Variants in PTPRM observed in about 807,000 individuals in gnomAD.
PTPRM encodes protein tyrosine phosphatase receptor type M, also known as receptor-type tyrosine-protein phosphatase mu.
PTPRM carries 47 observed loss-of-function variants against 186.7 expected under a neutral mutation model. The ratio of observed to expected loss-of-function variants is 0.25; its 90% CI spans 0.20 to 0.32. The LOEUF (loss-of-function observed/expected upper bound fraction) is 0.32, where lower values mean the gene tolerates loss of function less well. Among genes scored for constraint, PTPRM ranks in the 10% least tolerant of loss-of-function variants. The pLI, the probability that PTPRM is intolerant of heterozygous loss-of-function variation, is 1.00. For missense variants in PTPRM, 1,494 were observed against 1,865.0 expected (o/e 0.80, Z 3.66); for synonymous variants, 668 against 674.9 (o/e 0.99, Z 0.16).
chr18:8,362,762 A>T (rs1345530262), intron 23 of PTPRM, among the ~76,000 whole-genome samples: 2 of 152,204 alleles, frequency 1.3e-5, no homozygotes, highest in Non-Finnish European at 2.9e-5. Flanking sequence ...TTTAATGAAC[A>T]TTTACTTGTG....
intron 7 of PTPRM, among the ~76,000 whole-genome samples, chr18:8,038,134 G>A (rs2086454119): frequency 6.6e-6 from 1 of 152,048 alleles, no homozygotes; most frequent in Non-Finnish European, 1.5e-5. Flanking sequence ...GAATCTTTTA[G>A]AATAGAGACA....
At chr18:7,592,849 C>T (rs149227915) in intron 1 of PTPRM, among the ~76,000 whole-genome samples, 4 of 152,234 alleles carry the variant, frequency 2.6e-5, no homozygotes, top group Non-Finnish European at 2.9e-5. Context: ...GTTGCTGAAC[C>T]GAGACAGAAC....
chr18:7,659,729 T>A (rs766749903), intron 1 of PTPRM, among the ~76,000 whole-genome samples: 2 of 152,226 alleles, frequency 1.3e-5, no homozygotes, highest in East Asian at 3.9e-4. Flanking sequence ...TCGTGACACA[T>A]GTTTTCTTTG....
Position 7,668,417 on chromosome 18 carries a change from A to G in PTPRM, c.73+100526A>G, listed in dbSNP as rs1427905450. ...GTAGCTCTCAGCTGCAACGGTATTT[A>G]ACACGTTTTACACATTTTTGTTGGA... On this transcript the variant is annotated intron_variant, in intron 1 of 32. Coordinates refer to ENST00000580170, the MANE Select transcript of PTPRM (RefSeq NM_001105244.2). The surrounding 1 kb of genome is among the most constrained non-coding windows in gnomAD (Gnocchi z 4.7). Among the ~76,000 whole-genome samples, 1 of 152,224 alleles carries G rather than the reference A, an allele frequency of 6.6e-6. No individual in the cohort carries two copies. Among genetic ancestry groups the G allele is most frequent in the Non-Finnish European group, 1.5e-5 (1 of 68,046 alleles).
chr18:7,865,182 C>G (rs1018941817), intron 2 of PTPRM, among the ~76,000 whole-genome samples: 9 of 152,028 alleles, frequency 5.9e-5, no homozygotes, highest in African/African-American at 2.2e-4. Context: ...AGTTGAATAC[C>G]CTTTATTTCT....
rs1221338502 is a variant in PTPRM, at chr18:8,343,408, T to C, written c.2957-15T>C. ...TACAACAAAAACAAAAAGTTTCTGT[T>C]GTGTTTTGCTGCAGGGCCAATGCAG... On this transcript the variant is annotated splice_polypyrimidine_tract_variant and intron_variant, in intron 22 of 32. Coordinates refer to ENST00000580170, the MANE Select transcript of PTPRM (RefSeq NM_001105244.2). 1.0e-5 allele frequency: 16 copies of C among 1,605,558 alleles called. No homozygotes were observed. The highest frequency in any genetic ancestry group is 1.3e-5 in the Non-Finnish European group (15 of 1,177,538).
At chr18:7,776,880 A>G (rs910099250) in intron 2 of PTPRM, among the ~76,000 whole-genome samples, 2 of 152,232 alleles carry the variant, frequency 1.3e-5, no homozygotes, top group African/African-American at 4.8e-5. Flanking sequence ...ATAAACATGC[A>G]TGTACTATCC....
At chr18:7,699,164 C>T (rs1482072805) in intron 1 of PTPRM, among the ~76,000 whole-genome samples, 1 of 152,156 alleles carries the variant, frequency 6.6e-6, no homozygotes, top group Non-Finnish European at 1.5e-5. Context: ...AGACTCTAAC[C>T]AATGCCTGAT....
intron 31 of PTPRM, among the ~76,000 whole-genome samples, chr18:8,388,562 T>A (rs1179153911): frequency 2.6e-5 from 4 of 152,220 alleles, no homozygotes; most frequent in African/African-American, 9.6e-5. Flanking sequence ...ACAGTTGTCT[T>A]CAACCAGAAG....
In PTPRM at chr18:8,253,244, G is replaced by A. The variant is rs761957128; in HGVS notation, c.2584G>A (p.Ala862Thr). 6 of 1,521,222 alleles carry A rather than the reference G, an allele frequency of 3.9e-6. No individual in the cohort carries two copies. The highest frequency in any genetic ancestry group is 4.1e-5 in the Admixed American group (2 of 48,430). The allele number at this position is 1,521,222 out of a possible 1,614,324, so 94.2% of individuals were successfully genotyped here. A position where few individuals can be genotyped will look rare whatever the true frequency, so the allele number is the denominator to read the frequency against. The change falls in exon 19 of 33, where the codon GCC (alanine) becomes ACC (threonine). Residue 862 changes from alanine (A) to threonine (T), a missense_variant. By Grantham distance (58) the Ala-to-Thr change is moderately conservative (BLOSUM62 0). This residue lies in a region of PTPRM where 1,107 missense variants were observed against 1,350.2 expected (regional missense o/e 0.82). Coordinates refer to ENST00000580170, the MANE Select transcript of PTPRM (RefSeq NM_001105244.2). ...VPINDETHTM[A>T]SDTSSLVQSH... Reference sequence around the variant, plus strand: ...TTTCCTAGATGAAACCCACACAATGGCCAGCGATACCAGCAGCCTGGTGCA... The same window carrying A: ...TTTCCTAGATGAAACCCACACAATGACCAGCGATACCAGCAGCCTGGTGCA...
intron 2 of PTPRM, among the ~76,000 whole-genome samples, chr18:7,805,957 C>T (rs563524381): frequency 6.6e-6 from 1 of 152,254 alleles, no homozygotes; most frequent in South Asian, 2.1e-4. Flanking sequence ...CTTCAGGTGT[C>T]AGAAATGAAG....
At chr18:7,780,291 A>C (rs536436967) in intron 2 of PTPRM, among the ~76,000 whole-genome samples, 1 of 152,210 alleles carries the variant, frequency 6.6e-6, no homozygotes, top group African/African-American at 2.4e-5. Flanking sequence ...CAACATAGGA[A>C]ACTGAAGTTC....
At chr18:7,877,385 G>T (rs534192570) in intron 2 of PTPRM, among the ~76,000 whole-genome samples, 1 of 151,958 alleles carries the variant, frequency 6.6e-6, no homozygotes, top group African/African-American at 2.4e-5. Flanking sequence ...ATGGATGTTG[G>T]TAACCTGTGT....
intron 1 of PTPRM, among the ~76,000 whole-genome samples, chr18:7,724,527 C>G (rs2040508016): frequency 6.6e-6 from 1 of 152,166 alleles, no homozygotes; most frequent in African/African-American, 2.4e-5. Context: ...GGCATTATCC[C>G]TACAACATTG....
At chr18:8,167,048 G>A (rs1180661390) in intron 14 of PTPRM, among the ~76,000 whole-genome samples, 2 of 152,146 alleles carry the variant, frequency 1.3e-5, no homozygotes, top group African/African-American at 4.8e-5. Flanking sequence ...AGCTACTCTT[G>A]GACACAGGCT....
chr18:7,609,393 C>T (rs141479429), intron 1 of PTPRM, among the ~76,000 whole-genome samples: 19 of 152,250 alleles, frequency 1.2e-4, no homozygotes, highest in African/African-American at 4.3e-4. Flanking sequence ...GGAGGACAGG[C>T]CTAGGTGCTC....
At chr18:8,340,625 A>G (rs598149) in intron 22 of PTPRM, among the ~76,000 whole-genome samples, 124,733 of 152,122 alleles carry the variant, frequency 0.82, 52,664 homozygotes, top group Middle Eastern at 0.94. Context: ...TTCTACATCC[A>G]AGCAAAACAG....
rs750931139 is a variant in PTPRM at position 8,121,935 on chromosome 18, A to G, written c.2167+7108A>G. The G allele has an allele frequency of 2.0e-5, 3 of 152,132 alleles. No individual in the cohort carries two copies. In the South Asian group the frequency reaches 6.2e-4, roughly 32 times the overall value. The allele number at this position is 152,132 out of a possible 1,614,324, so 9.4% of individuals were successfully genotyped here. On this transcript the variant is annotated intron_variant, in intron 13 of 32. Coordinates refer to ENST00000580170, the MANE Select transcript of PTPRM (RefSeq NM_001105244.2). ...CAGTCTTCACCTTTATTTAGGATGA[A>G]TGTTTTTGGTTTTGTTTTCCTTTTT...
chr18:8,316,127 T>C (rs2095307247), intron 21 of PTPRM, among the ~76,000 whole-genome samples: 2 of 152,198 alleles, frequency 1.3e-5, no homozygotes. Context: ...GAGTGTCTTA[T>C]CCAGTCCACT....
Sources: gnomAD v4.1 joint callset for allele counts (sites outside exome capture counted in the v4.1 genomes callset) on GRCh38, gnomAD v4.1.1 for gene constraint, gnomAD v4.1.1 regional missense constraint, Gnocchi (gnomAD v3.1) non-coding constraint, MANE v1.5 for transcripts, NCBI Gene and HGNC (gene_info 2026-07-23, HGNC 2026-07-21) for gene names.